Variants in TENM3 observed in about 807,000 individuals in gnomAD.
TENM3 encodes teneurin transmembrane protein 3.
A neutral mutation model predicts 255.1 loss-of-function variants in TENM3; 63 were observed. That is an observed-to-expected ratio of 0.25 (90% CI 0.20 to 0.30). The LOEUF is 0.30. Among genes scored for constraint, TENM3 ranks in the 10% least tolerant of loss-of-function variants. The pLI is 1.00. For missense variants in TENM3, 2,929 were observed against 3,461.1 expected, an observed-to-expected ratio of 0.85 and a Z score of 3.86; for synonymous variants, 1,306 against 1,322.3, an observed-to-expected ratio of 0.99 and a Z score of 0.27.
chr4:181,823,619 C>A, the TENM3 span, among the ~76,000 whole-genome samples: 1 of 152,106 alleles, frequency 6.6e-6, no homozygotes, highest in Admixed American at 6.5e-5. Flanking sequence ...CACAATATTT[C>A]TTGCCTGATG....
intron 3 of TENM3, among the ~76,000 whole-genome samples, chr4:182,577,000 C>T (rs1226388087): frequency 6.6e-6 from 1 of 152,182 alleles, no homozygotes; most frequent in Non-Finnish European, 1.5e-5. Context: ...CCTGTCCCAG[C>T]CCCACCCACA....
chr4:182,314,187 G>C (rs548209535), intron 1 of TENM3, among the ~76,000 whole-genome samples: 5 of 152,110 alleles, frequency 3.3e-5, no homozygotes, highest in African/African-American at 7.2e-5. Context: ...TGTAGTCCCA[G>C]CTACTCGGGA....
chr4:182,627,248 A>T (rs1326930504), intron 4 of TENM3, among the ~76,000 whole-genome samples: 1 of 152,120 alleles, frequency 6.6e-6, no homozygotes, highest in Non-Finnish European at 1.5e-5. Flanking sequence ...ATATTAACTC[A>T]TTTAAGTTTC....
Position 182,601,150 on chromosome 4 carries a change from A to C in TENM3, c.738A>C (p.Pro246=). Residue 246 remains proline (P), a synonymous_variant, in exon 4 of 28, where the codon CCA becomes CCC. Transcript: ENST00000511685. ...GCTGGGTCCTTGGCAGTAATGTACC[A>C]CTGGAAAGCAGGTAACATCTAAAAT... ...QDSWVLGSNV[P]LESRHFLFKT... is the part of the protein sequence containing the mutation. 3 of 1,613,306 alleles carry C rather than the reference A, an allele frequency of 1.9e-6. No homozygotes were observed. Among genetic ancestry groups the C allele is most frequent in the East Asian group, 4.5e-5 (2 of 44,858 alleles).
At chr4:182,306,843 A>G (rs1762163484) in intron 1 of TENM3, among the ~76,000 whole-genome samples, 1 of 152,210 alleles carries the variant, frequency 6.6e-6, no homozygotes, top group South Asian at 2.1e-4. Flanking sequence ...AATAAGCCTT[A>G]GGGGAGCTCA....
the TENM3 span, among the ~76,000 whole-genome samples, chr4:182,069,686 A>AACACACACACAC: frequency 0.031 from 4,662 of 149,506 alleles, 89 homozygotes; most frequent in Middle Eastern, 0.062. Flanking sequence ...TAGATGCATA[A>AACACACACACAC]ACACACACAC....
chr4:181,660,521 G>A, the TENM3 span, among the ~76,000 whole-genome samples: 2 of 152,030 alleles, frequency 1.3e-5, no homozygotes, highest in African/African-American at 4.8e-5. Flanking sequence ...TTGGAAAAAC[G>A]GCAAATCCTA....
chr4:182,001,747 T>G, the TENM3 span, among the ~76,000 whole-genome samples: 2 of 152,104 alleles, frequency 1.3e-5, no homozygotes, highest in Non-Finnish European at 2.9e-5. Context: ...GGCACATATA[T>G]TTAGACTTGT....
the TENM3 span, among the ~76,000 whole-genome samples, chr4:181,948,983 G>C: frequency 3.9e-5 from 6 of 151,920 alleles, no homozygotes; most frequent in Non-Finnish European, 8.8e-5. Flanking sequence ...ATGTGCACAG[G>C]ACTCTCATTA....
At chr4:182,362,292 C>CT (rs1436080653) in intron 3 of TENM3, among the ~76,000 whole-genome samples, 1 of 152,112 alleles carries the variant, frequency 6.6e-6, no homozygotes, top group Non-Finnish European at 1.5e-5. Context: ...TTACTGCTGT[C>CT]TTTTTGTTTG....
intron 1 of TENM3, among the ~76,000 whole-genome samples, chr4:182,150,595 A>C (rs1472852321): frequency 6.6e-6 from 1 of 152,004 alleles, no homozygotes; most frequent in Admixed American, 6.6e-5. Context: ...TAAGACTGAA[A>C]ATCAAGTTAT....
At chr4:181,808,781 T>A in the TENM3 span, among the ~76,000 whole-genome samples, 2 of 152,272 alleles carry the variant, frequency 1.3e-5, no homozygotes, top group South Asian at 2.1e-4. Flanking sequence ...AACCACAAAA[T>A]GGAATTCTAT....
the TENM3 span, among the ~76,000 whole-genome samples, chr4:181,759,637 ATAAG>A: frequency 6.6e-6 from 1 of 152,102 alleles, no homozygotes; most frequent in Non-Finnish European, 1.5e-5. Context: ...AAACCATTTG[ATAAG>A]TAAGGACTTT....
the TENM3 span, among the ~76,000 whole-genome samples, chr4:181,517,204 G>A: frequency 1.3e-5 from 2 of 151,918 alleles, no homozygotes; most frequent in Non-Finnish European, 2.9e-5. Context: ...GGACAAGACT[G>A]TTCTAGAAGC....
the TENM3 span, among the ~76,000 whole-genome samples, chr4:181,884,962 C>T: frequency 6.6e-6 from 1 of 152,014 alleles, no homozygotes. Context: ...TTATGGAAAA[C>T]ATTTTTTAAA....
At chr4:181,979,095 GAC>G in the TENM3 span, among the ~76,000 whole-genome samples, 1 of 72,164 alleles carries the variant, frequency 1.4e-5, no homozygotes, top group African/African-American at 5.5e-5. Context: ...CATTAAGCCT[GAC>G]ATATATATAT....
intron 4 of TENM3, 115 bp from the exon 5 acceptor site, chr4:182,628,536 C>A (rs1038163649): frequency 2.7e-5 from 18 of 669,126 alleles, no homozygotes; most frequent in East Asian, 1.9e-4. Flanking sequence ...AGGATAAATT[C>A]TTTTAAAAAA....
At chr4:182,358,911 A>T (rs1428140248) in intron 3 of TENM3, among the ~76,000 whole-genome samples, 1 of 151,722 alleles carries the variant, frequency 6.6e-6, no homozygotes, top group African/African-American at 2.4e-5. Context: ...CTAATTTATT[A>T]AGAGTTTTTA....
At chr4:182,569,652 C>G (rs1336428812) in intron 3 of TENM3, among the ~76,000 whole-genome samples, 1 of 151,836 alleles carries the variant, frequency 6.6e-6, no homozygotes, top group African/African-American at 2.4e-5. Context: ...GTAGAAAAAG[C>G]TGAGACCAGC....
Sources: gnomAD v4.1 joint callset for allele counts (sites outside exome capture counted in the v4.1 genomes callset) on GRCh38, gnomAD v4.1.1 for gene constraint, MANE v1.5 for transcripts, NCBI Gene and HGNC (gene_info 2026-07-23, HGNC 2026-07-21) for gene names.